The following TENM2 variants were observed in gnomAD, a reference collection of about 807,000 sequenced individuals.
The protein encoded by TENM2 is teneurin transmembrane protein 2.
TENM2 carries 52 observed loss-of-function variants against 245.2 expected under a neutral mutation model. That is an observed-to-expected ratio of 0.21 (90% CI 0.17 to 0.27). The LOEUF (loss-of-function observed/expected upper bound fraction) is 0.27. TENM2 is among the 10% of genes least tolerant of loss of function. The pLI is 1.00. For missense variants in TENM2, 3,046 were observed against 3,666.8 expected (o/e 0.83, Z 4.37); for synonymous variants, 1,363 against 1,438.9 (o/e 0.95, Z 1.19).
At chr5:167,885,340 G>T (rs775400569) in intron 3 of TENM2, among the ~76,000 whole-genome samples, 1 of 152,140 alleles carries the variant, frequency 6.6e-6, no homozygotes, top group Non-Finnish European at 1.5e-5. Context: ...TTCTATGGCA[G>T]CCATTGTTCT....
At chr5:168,238,264 GAAAAGAAAAGAAAA>G (rs1765764447) in intron 25 of TENM2, among the ~76,000 whole-genome samples, 4 of 141,738 alleles carry the variant, frequency 2.8e-5, no homozygotes, top group Admixed American at 7.2e-5. Flanking sequence ...GAAAAGAAAA[GAAAAGAAAAGAAAA>G]GAAAAGAAAA....
At chr5:167,462,776 G>A (rs146041436) in intron 2 of TENM2, among the ~76,000 whole-genome samples, 133 of 151,912 alleles carry the variant, frequency 8.8e-4, no homozygotes, top group African/African-American at 2.8e-3. Flanking sequence ...GGACTGTGGC[G>A]CGTAGAGGGC....
At chr5:167,458,510 A>AAAAAAAC (rs1766073080) in intron 2 of TENM2, among the ~76,000 whole-genome samples, 1 of 150,920 alleles carries the variant, frequency 6.6e-6, no homozygotes, top group Non-Finnish European at 1.5e-5. Context: ...AAAAAAAAAA[A>AAAAAAAC]AAAAAAGACA....
chr5:167,673,162 A>T (rs1409995198), intron 2 of TENM2, among the ~76,000 whole-genome samples: 1 of 152,112 alleles, frequency 6.6e-6, no homozygotes, highest in Non-Finnish European at 1.5e-5. Context: ...ACGTACCTGT[A>T]GGTAAGACTC....
At chr5:168,194,029 G>A (rs1761175321) in intron 14 of TENM2, among the ~76,000 whole-genome samples, 2 of 152,162 alleles carry the variant, frequency 1.3e-5, no homozygotes, top group Admixed American at 1.3e-4. Context: ...GAGATGCGTG[G>A]AGACAGCATC....
chr5:167,073,506 A>G, the TENM2 span, among the ~76,000 whole-genome samples: 1 of 152,108 alleles, frequency 6.6e-6, no homozygotes, highest in Non-Finnish European at 1.5e-5. Context: ...GACAAAAGTA[A>G]TTTGTACTGC....
At chr5:168,117,556 T>C (rs1795171183) in intron 9 of TENM2, among the ~76,000 whole-genome samples, 1 of 152,194 alleles carries the variant, frequency 6.6e-6, no homozygotes, top group Non-Finnish European at 1.5e-5. Flanking sequence ...GTAACATAAA[T>C]TATGTGGATG....
the TENM2 span, among the ~76,000 whole-genome samples, chr5:167,269,711 C>T: frequency 2.0e-5 from 3 of 152,078 alleles, no homozygotes; most frequent in Admixed American, 1.3e-4. Flanking sequence ...CTTCTCCACT[C>T]ATTCACTCTC....
the TENM2 span, among the ~76,000 whole-genome samples, chr5:167,037,743 T>G: frequency 6.6e-6 from 1 of 151,960 alleles, no homozygotes; most frequent in Non-Finnish European, 1.5e-5. Context: ...AAAGGGAAAG[T>G]GACATTTCTT....
chr5:167,036,909 A>G, the TENM2 span, among the ~76,000 whole-genome samples: 2 of 152,120 alleles, frequency 1.3e-5, no homozygotes, highest in Non-Finnish European at 2.9e-5. Context: ...TTTCCCATTA[A>G]CTTAATATTA....
intron 2 of TENM2, among the ~76,000 whole-genome samples, chr5:167,859,418 G>T (rs1200063428): frequency 1.4e-5 from 2 of 143,728 alleles, no homozygotes; most frequent in African/African-American, 2.6e-5. Context: ...CGCCCCGTCC[G>T]GGAGGTGAGG....
rs76319624 is a variant in TENM2 at position 167,544,615 on chromosome 5, T to C, written c.502+169142T>C. 3.3e-3 allele frequency among the ~76,000 whole-genome samples: 498 copies of C among 152,310 alleles called. 24 individuals are homozygous for C. The South Asian group carries it at 0.081, about 25-fold the overall frequency. ...TATGTAGAGTTTTTGTCTAGCTATA[T>C]TTATATATTGATTCATTAATTCATC... On this transcript the variant is annotated intron_variant, in intron 2 of 28. Transcript: ENST00000518659.
At chr5:167,443,319 C>T (rs1454997262) in intron 2 of TENM2, among the ~76,000 whole-genome samples, 2 of 152,132 alleles carry the variant, frequency 1.3e-5, no homozygotes, top group Non-Finnish European at 2.9e-5. Context: ...AGCTTCAAGC[C>T]TGTTTTTGTA....
intron 2 of TENM2, among the ~76,000 whole-genome samples, chr5:167,622,436 G>A (rs1778236284): frequency 1.3e-5 from 2 of 152,050 alleles, no homozygotes; most frequent in Non-Finnish European, 2.9e-5. Flanking sequence ...AACTACTTCT[G>A]GCCAAGTTAT....
chr5:167,618,363 C>T (rs540132068), intron 2 of TENM2, among the ~76,000 whole-genome samples: 1 of 152,166 alleles, frequency 6.6e-6, no homozygotes, highest in African/African-American at 2.4e-5. Flanking sequence ...CCCATTCAGG[C>T]TTGTGCCCTT....
chr5:168,118,458 T>A (rs1476683183), exon 10 of TENM2: 1 of 1,589,138 alleles, frequency 6.3e-7, no homozygotes, highest in Non-Finnish European at 8.6e-7. Context: ...TCTGCTCTGC[T>A]GGCTACAAAG....
intron 10 of TENM2, among the ~76,000 whole-genome samples, chr5:168,124,254 T>A (rs1358808730): frequency 6.6e-6 from 1 of 152,242 alleles, no homozygotes; most frequent in Non-Finnish European, 1.5e-5. Flanking sequence ...GCACATTTAC[T>A]AACTCCTTCA....
intron 4 of TENM2, among the ~76,000 whole-genome samples, chr5:167,968,613 G>A (rs1781549880): frequency 1.3e-5 from 2 of 152,028 alleles, no homozygotes; most frequent in Non-Finnish European, 2.9e-5. Flanking sequence ...TTGAACAAAG[G>A]GTTAAAATCC....
At chr5:168,229,229 A>AAGGACACG (rs1764597422) in intron 25 of TENM2, among the ~76,000 whole-genome samples, 3 of 151,836 alleles carry the variant, frequency 2.0e-5, no homozygotes, top group African/African-American at 2.4e-5. Context: ...CCAAGGACAC[A>AAGGACACG]ATAGCTAGAA....
Sources: allele counts gnomAD v4.1 joint callset (sites outside exome capture counted in the v4.1 genomes callset), GRCh38; gene constraint gnomAD v4.1.1; transcripts MANE v1.5; gene names NCBI Gene and HGNC (gene_info 2026-07-23, HGNC 2026-07-21).